Variants in ARHGAP22 observed in about 807,000 individuals in gnomAD.
ARHGAP22 encodes rho GTPase-activating protein 22.
In ARHGAP22, 48 loss-of-function variants were observed where a neutral mutation model predicts 59.1. The observed-to-expected ratio is 0.81, with a 90% CI of 0.64 to 1.03. The LOEUF (loss-of-function observed/expected upper bound fraction) is 1.03. Ranked by LOEUF, ARHGAP22 falls within the 50% of genes least tolerant of loss-of-function variation. The pLI is 0.00. For missense variants in ARHGAP22, 1,015 were observed against 958.7 expected (o/e 1.06, Z -0.78); for synonymous variants, 445 against 416.4 (o/e 1.07, Z -0.84).
chr10:48,451,686 T>C (rs1289703052), intron 8 of ARHGAP22: 2 of 538,884 alleles, frequency 3.7e-6, no homozygotes, highest in Non-Finnish European at 6.4e-6. Context: ...CAATCACACG[T>C]ACAATGCACC....
intron 1 of ARHGAP22, among the ~76,000 whole-genome samples, chr10:48,611,854 T>C (rs3076395): frequency 0.026 from 360 of 13,934 alleles, no homozygotes; most frequent in Middle Eastern, 0.083. Context: ...TTCCCTTCCC[T>C]TCCCCTCCCC....
At chr10:48,536,213 C>T (rs1230011998) in intron 3 of ARHGAP22, among the ~76,000 whole-genome samples, 1 of 152,166 alleles carries the variant, frequency 6.6e-6, no homozygotes, top group African/African-American at 2.4e-5. Context: ...ACTGGGTTGC[C>T]CCAGGATGAT....
chr10:48,599,127 G>A (rs1051619005), intron 1 of ARHGAP22, among the ~76,000 whole-genome samples: 1 of 152,224 alleles, frequency 6.6e-6, no homozygotes, highest in Non-Finnish European at 1.5e-5. Flanking sequence ...CAAGCAGGAA[G>A]TTCCAACAGG....
At chr10:48,454,253 T>G (rs1054521423) in intron 6 of ARHGAP22, 92 bp from the exon 7 acceptor site, 9 of 1,214,164 alleles carry the variant, frequency 7.4e-6, no homozygotes, top group South Asian at 1.2e-5. Flanking sequence ...AGAAGGGAGG[T>G]GGGGGCTACG....
intron 1 of ARHGAP22, among the ~76,000 whole-genome samples, chr10:48,593,651 A>G (rs538453581): frequency 7.0e-4 from 107 of 152,370 alleles, no homozygotes; most frequent in African/African-American, 2.1e-3. Flanking sequence ...GAGAGGATTC[A>G]TGTGCTGGGC....
chr10:48,650,252 A>C (rs2062505308), intron 1 of ARHGAP22, among the ~76,000 whole-genome samples: 1 of 151,484 alleles, frequency 6.6e-6, no homozygotes, highest in Non-Finnish European at 1.5e-5. Context: ...TTACAAATTA[A>C]TCCAGTCTCA....
chr10:48,580,459 G>T (rs1450034751), intron 2 of ARHGAP22, among the ~76,000 whole-genome samples: 4 of 152,218 alleles, frequency 2.6e-5, no homozygotes, highest in African/African-American at 9.6e-5. Context: ...TGGCCTGGGT[G>T]GCCTCAGGGT....
chr10:48,450,585 G>A lies in ARHGAP22; in HGVS notation c.1544C>T (p.Ala515Val), dbSNP rs1281571117. The change falls in exon 9 of 10, where the codon GCC becomes GTC. Residue 515 changes from alanine to valine, a missense_variant. Transcript: ENST00000249601. ...PSVASMAWSG[A>V]SSSESSVGGS... ...CCCCACCGACGACTCGCTGGACGAG[G>A]CCCCGGACCACGCCATACTGGCCAC... 1 of 1,542,666 alleles carries A rather than the reference G, an allele frequency of 6.5e-7. No homozygotes were observed. Among genetic ancestry groups the A allele is most frequent in the South Asian group, 1.2e-5 (1 of 83,584 alleles).
At chr10:48,561,935 T>TTA (rs796829451) in intron 2 of ARHGAP22, among the ~76,000 whole-genome samples, 46 of 152,146 alleles carry the variant, frequency 3.0e-4, no homozygotes, top group African/African-American at 1.1e-3. Context: ...CTTAAAAGAG[T>TTA]TAAACATACT....
At chr10:48,474,803 T>C (rs1317482010) in intron 4 of ARHGAP22, among the ~76,000 whole-genome samples, 1 of 152,238 alleles carries the variant, frequency 6.6e-6, no homozygotes, top group East Asian at 1.9e-4. Flanking sequence ...TTAGAGACGA[T>C]AAATCTCATT....
chr10:48,507,216 T>C (rs930271407), intron 3 of ARHGAP22, among the ~76,000 whole-genome samples: 1 of 152,148 alleles, frequency 6.6e-6, no homozygotes, highest in African/African-American at 2.4e-5. Context: ...AAATCACCCA[T>C]CTGTCAACCT....
chr10:48,608,092 G>T (rs538380815), upstream of ARHGAP22, among the ~76,000 whole-genome samples: 4 of 152,362 alleles, frequency 2.6e-5, no homozygotes, highest in East Asian at 3.9e-4. Flanking sequence ...AGTTGTAAAA[G>T]CTCCTCTAGG....
At chr10:48,461,832 G>A (rs2047163972) in intron 4 of ARHGAP22, among the ~76,000 whole-genome samples, 1 of 152,228 alleles carries the variant, frequency 6.6e-6, no homozygotes, top group Non-Finnish European at 1.5e-5. Flanking sequence ...AAAGCTCCAT[G>A]TCCAGGCTTG....
In ARHGAP22 at chr10:48,516,695, T is replaced by C. The variant is rs79439355; in HGVS notation, c.323-36931A>G. On this transcript the variant is annotated intron_variant, in intron 3 of 9. Coordinates refer to ENST00000249601, the MANE Select transcript of ARHGAP22 (RefSeq NM_021226.4). ...ACATTTTAAGAATTAATACCAAATGTTCACAAACTCTTCCAAGAAACAGAA... is the reference window on the plus strand; with the variant it reads ...ACATTTTAAGAATTAATACCAAATGCTCACAAACTCTTCCAAGAAACAGAA... 7.1e-3 allele frequency among the ~76,000 whole-genome samples: 1,081 copies of C among 152,284 alleles called. 16 individuals carry two copies. Among genetic ancestry groups the C allele is most frequent in the African/African-American group, 0.024 (995 of 41,552 alleles).
In ARHGAP22 at chr10:48,506,610, C is replaced by T. The variant is rs546975402; in HGVS notation, c.323-26846G>A. On this transcript the variant is annotated intron_variant, in intron 3 of 9. Coordinates refer to ENST00000249601, the MANE Select transcript of ARHGAP22 (RefSeq NM_021226.4). ...TGCTAGTGCTAGGATAGAAGTTTCA[C>T]AGGTTCACTGTCATCCAGCACCATT... Among the ~76,000 whole-genome samples the T allele has an allele frequency of 9.2e-5, 14 of 152,266 alleles. No individual in the cohort carries two copies. The South Asian group carries it at 2.9e-3, about 32-fold the overall frequency.
chr10:48,561,288 C>G (rs936677203), intron 2 of ARHGAP22, among the ~76,000 whole-genome samples: 1 of 152,078 alleles, frequency 6.6e-6, no homozygotes, highest in Non-Finnish European at 1.5e-5. Context: ...GATGGTTGAG[C>G]AACTGCATAT....
chr10:48,470,479 G>T (rs1334306316), intron 4 of ARHGAP22, among the ~76,000 whole-genome samples: 1 of 152,206 alleles, frequency 6.6e-6, no homozygotes, highest in Non-Finnish European at 1.5e-5. Flanking sequence ...TGGGGCTCTG[G>T]CAGGGGAGAA....
chr10:48,528,931 A>G (rs1485597994), intron 3 of ARHGAP22, among the ~76,000 whole-genome samples: 4 of 152,202 alleles, frequency 2.6e-5, no homozygotes, highest in African/African-American at 9.7e-5. Context: ...TGTTAGTGCT[A>G]TGCTTGTACA....
chr10:48,479,279 G>C (rs1015126542), intron 4 of ARHGAP22: 1 of 333,344 alleles, frequency 3.0e-6, no homozygotes, highest in African/African-American at 2.2e-5. Context: ...TTTGTGACAT[G>C]TCTCACCCCT....
Sources: allele counts gnomAD v4.1 joint callset (sites outside exome capture counted in the v4.1 genomes callset), GRCh38; gene constraint gnomAD v4.1.1; transcripts MANE v1.5; gene names NCBI Gene and HGNC (gene_info 2026-07-23, HGNC 2026-07-21).